Variants in ADAM12 observed in about 807,000 individuals in gnomAD.
The protein encoded by ADAM12 is disintegrin and metalloproteinase domain-containing protein 12.
In ADAM12, 70 loss-of-function variants were observed where a neutral mutation model predicts 106.4. That is an observed-to-expected ratio of 0.66 (90% CI 0.54 to 0.80). The LOEUF (loss-of-function observed/expected upper bound fraction) is 0.80. Ranked by LOEUF, ADAM12 falls within the 30% of genes least tolerant of loss-of-function variation. The pLI is 0.00. For missense variants in ADAM12, 1,010 were observed against 1,171.9 expected, an observed-to-expected ratio of 0.86 and a Z score of 2.02; for synonymous variants, 420 against 433.5, an observed-to-expected ratio of 0.97 and a Z score of 0.39.
intron 2 of ADAM12, among the ~76,000 whole-genome samples, chr10:126,293,838 C>A (rs1278287116): frequency 6.6e-6 from 1 of 152,120 alleles, no homozygotes; most frequent in African/African-American, 2.4e-5. Context: ...TCCACAAGGC[C>A]CCTTCAGATG....
At chr10:126,041,912 G>A in intron 18 of ADAM12, 4 of 1,410,394 alleles carry the variant, frequency 2.8e-6, no homozygotes, top group Non-Finnish European at 3.7e-6. Context: ...TGTTTTAGCA[G>A]AAGCTCAACC....
intron 3 of ADAM12, among the ~76,000 whole-genome samples, chr10:126,171,392 G>A (rs557044954): frequency 6.6e-6 from 1 of 152,208 alleles, no homozygotes; most frequent in South Asian, 2.1e-4. Flanking sequence ...ACCGTGGCAG[G>A]GGTGGTTAGT....
chr10:126,336,057 C>A (rs1444696700), intron 1 of ADAM12, among the ~76,000 whole-genome samples: 1 of 152,148 alleles, frequency 6.6e-6, no homozygotes, highest in African/African-American at 2.4e-5. Context: ...CTGGATGGGA[C>A]TGAGCAACAG....
chr10:126,124,068 C>G (rs1182527750), intron 5 of ADAM12, among the ~76,000 whole-genome samples: 1 of 152,122 alleles, frequency 6.6e-6, no homozygotes, highest in Non-Finnish European at 1.5e-5. Context: ...GGCACCGGGG[C>G]CGCTTAATGT....
chr10:126,316,353 T>C (rs1853871317), intron 2 of ADAM12, among the ~76,000 whole-genome samples: 1 of 152,170 alleles, frequency 6.6e-6, no homozygotes, highest in African/African-American at 2.4e-5. Flanking sequence ...TAATCTCTAA[T>C]CGTAATTTCT....
At chr10:126,209,987 G>C (rs1423438966) in intron 3 of ADAM12, among the ~76,000 whole-genome samples, 1 of 152,160 alleles carries the variant, frequency 6.6e-6, no homozygotes, top group Admixed American at 6.5e-5. Flanking sequence ...TTTTATTAAT[G>C]CAGACTCACA....
At chr10:126,225,933 G>A (rs557183071) in intron 3 of ADAM12, among the ~76,000 whole-genome samples, 4 of 152,196 alleles carry the variant, frequency 2.6e-5, no homozygotes, top group East Asian at 1.9e-4. Context: ...GAAGCCTTTC[G>A]CAGCTTTAAC....
intron 1 of ADAM12, among the ~76,000 whole-genome samples, chr10:126,346,226 T>C (rs1475055507): frequency 1.3e-5 from 2 of 152,240 alleles, no homozygotes; most frequent in African/African-American, 4.8e-5. Context: ...GTTGTGTCTT[T>C]GTTCTCGTTG....
intron 1 of ADAM12, among the ~76,000 whole-genome samples, chr10:126,344,915 G>C (rs1383163101): frequency 6.6e-6 from 1 of 152,196 alleles, no homozygotes; most frequent in Non-Finnish European, 1.5e-5. Context: ...AGCTTAAGGA[G>C]ATTTGGGGCT....
At chr10:126,345,934 A>C (rs2133877672) in intron 1 of ADAM12, among the ~76,000 whole-genome samples, 1 of 152,084 alleles carries the variant, frequency 6.6e-6, no homozygotes, top group Admixed American at 6.5e-5. Context: ...GTCTTGCTAG[A>C]GGTCTATCAA....
intron 8 of ADAM12, among the ~76,000 whole-genome samples, chr10:126,105,293 G>T (rs1590415578): frequency 6.6e-6 from 1 of 152,198 alleles, no homozygotes; most frequent in East Asian, 1.9e-4. Context: ...CAAACACAGA[G>T]GACCCAAACA....
intron 3 of ADAM12, among the ~76,000 whole-genome samples, chr10:126,177,959 C>T (rs908325194): frequency 3.3e-5 from 5 of 152,144 alleles, no homozygotes; most frequent in Non-Finnish European, 4.4e-5. Flanking sequence ...AATCTCCATG[C>T]GCTCATTTAA....
At chr10:126,292,895 G>T (rs1960216912) in intron 2 of ADAM12, among the ~76,000 whole-genome samples, 1 of 152,140 alleles carries the variant, frequency 6.6e-6, no homozygotes, top group Admixed American at 6.5e-5. Flanking sequence ...ACACAGGAAA[G>T]CATCAAAATC....
At chr10:126,323,098 T>C (rs1329051072) in intron 2 of ADAM12, among the ~76,000 whole-genome samples, 1 of 152,168 alleles carries the variant, frequency 6.6e-6, no homozygotes, top group Non-Finnish European at 1.5e-5. Context: ...ACTGTGCATG[T>C]CATATGATGA....
intron 4 of ADAM12, among the ~76,000 whole-genome samples, chr10:126,136,145 G>A (rs1391359923): frequency 2.0e-5 from 3 of 152,202 alleles, no homozygotes; most frequent in Admixed American, 1.3e-4. Flanking sequence ...GGACCTCACT[G>A]AATTACCCAA....
rs113760792 is a variant in ADAM12 at position 126,126,186 on chromosome 10, C to T, written c.417-7962G>A. On this transcript the variant is annotated intron_variant, in intron 5 of 22. Transcript: ENST00000448723. The stretch of plus-strand genomic sequence containing the variant: ...TTGGGACCTGGCTCCTGGGCCTGGT[C>T]ACTTGCCCTCATCAGACTGGATGGT... 1.7e-3 allele frequency among the ~76,000 whole-genome samples: 255 copies of T among 152,228 alleles called. 1 individual carries two copies. Among genetic ancestry groups the T allele is most frequent in the African/African-American group, 5.7e-3 (238 of 41,550 alleles).
At position 126,148,691 on chromosome 10, in the gene ADAM12, T is replaced by C. The variant is rs1027672817; in HGVS notation, c.339+6536A>G. 2.6e-5 allele frequency among the ~76,000 whole-genome samples: 4 copies of C among 152,332 alleles called. No homozygotes were observed. The East Asian group carries it at 5.8e-4, about 22-fold the overall frequency. ...CTTTCAGTTGCTTCCCCAGTGGAGA[T>C]GATCCACAGAGTCAGATGAAGATCA... On this transcript the variant is annotated intron_variant, in intron 4 of 22. Transcript: ENST00000448723.
intron 3 of ADAM12, among the ~76,000 whole-genome samples, chr10:126,182,657 C>T (rs996328783): frequency 2.6e-5 from 4 of 152,068 alleles, no homozygotes; most frequent in South Asian, 2.1e-4. Context: ...TAAGTTGCTG[C>T]GGGGATTCAA....
intron 11 of ADAM12, among the ~76,000 whole-genome samples, chr10:126,072,687 A>G (rs1186221695): frequency 6.6e-6 from 1 of 152,186 alleles, no homozygotes; most frequent in East Asian, 1.9e-4. Context: ...GTGTTATCCA[A>G]CATACACAGA....
Sources: allele counts gnomAD v4.1 joint callset (sites outside exome capture counted in the v4.1 genomes callset), GRCh38; gene constraint gnomAD v4.1.1; transcripts MANE v1.5; gene names NCBI Gene and HGNC (gene_info 2026-07-23, HGNC 2026-07-21).